FBLN2: variants seen among roughly 807,000 people sequenced by gnomAD.
FBLN2 encodes the protein fibulin 2.
In FBLN2, 81 loss-of-function variants were observed where a neutral mutation model predicts 123.7. The observed-to-expected ratio is 0.65, with a 90% CI of 0.55 to 0.79. The LOEUF is 0.79. FBLN2 is among the 30% of genes least tolerant of loss of function. The probability of loss-of-function intolerance (pLI) is 0.00; values close to 1 mark genes in which losing one functional copy is unlikely to be tolerated. For missense variants in FBLN2, 1,603 were observed against 1,681.3 expected, an observed-to-expected ratio of 0.95 and a Z score of 0.81; for synonymous variants, 699 against 701.4, an observed-to-expected ratio of 1.00 and a Z score of 0.05.
chr3:13,562,197 G>A (rs955330224), intron 1 of FBLN2, among the ~76,000 whole-genome samples: 1 of 152,156 alleles, frequency 6.6e-6, no homozygotes, highest in African/African-American at 2.4e-5. Context: ...ATACTGCTAA[G>A]GGGAGGTCTC....
intron 4 of FBLN2, 41 bp downstream of exon 4, chr3:13,609,683 G>T: frequency 6.9e-7 from 1 of 1,454,338 alleles, no homozygotes. Context: ...GTGGGGTGGG[G>T]CGGGGCGGGA....
chr3:13,578,594 G>A lies in FBLN2; in HGVS notation c.1306+6933G>A, dbSNP rs9856991. 8.3e-3 allele frequency among the ~76,000 whole-genome samples: 1,265 copies of A among 152,324 alleles called. 13 individuals carry two copies. The highest frequency in any genetic ancestry group is 0.028 in the African/African-American group (1,174 of 41,574). On this transcript the variant is annotated intron_variant, in intron 2 of 17. Transcript: ENST00000404922. ...CCACATTTCAAAAATCTGTTCATCT[G>A]TTGATGGACATTATTCTTCCAGCTT... is the stretch of plus-strand genomic sequence containing the variant.
At chr3:13,568,829 C>T (rs1703828519) in intron 1 of FBLN2, 1 of 985,550 alleles carries the variant, frequency 1.0e-6, no homozygotes, top group African/African-American at 1.7e-5. Flanking sequence ...ATCTGCCCCT[C>T]CACCCCTGAG....
intron 12 of FBLN2, 22 bp downstream of exon 12, chr3:13,629,070 C>T: frequency 1.2e-6 from 2 of 1,612,804 alleles, no homozygotes; most frequent in Non-Finnish European, 8.5e-7. Flanking sequence ...CGCCTCCGCC[C>T]TGCCAGCCAG....
In FBLN2 at chr3:13,613,339, C is replaced by T. The variant is rs759836862; in HGVS notation, c.1549-645C>T. ...ACAGAAAAGATTGAATAATTGTTGC[C>T]GTTATTGCAACCAAAATACTACTGT... On this transcript the variant is annotated intron_variant, in intron 4 of 17. Transcript: ENST00000404922. Among the ~76,000 whole-genome samples the T allele has an allele frequency of 3.0e-4, 46 of 152,178 alleles. No individual in the cohort carries two copies. The Middle Eastern group carries it at 0.01, about 34-fold the overall frequency.
At chr3:13,588,927 A>G (rs1050675934) in intron 2 of FBLN2, among the ~76,000 whole-genome samples, 2 of 152,206 alleles carry the variant, frequency 1.3e-5, no homozygotes, top group Admixed American at 6.5e-5. Context: ...AGATTCATCT[A>G]TAAGTAACAC....
At chr3:13,612,219 CTT>C (rs774262828) in intron 4 of FBLN2, among the ~76,000 whole-genome samples, 2 of 151,938 alleles carry the variant, frequency 1.3e-5, no homozygotes, top group African/African-American at 2.4e-5. Context: ...CCTTTTCTGT[CTT>C]TATGTTTGAC....
At chr3:13,636,305 G>A in intron 16 of FBLN2, 140 bp from the exon 17 acceptor site, 1 of 973,670 alleles carries the variant, frequency 1.0e-6, no homozygotes, top group Non-Finnish European at 1.5e-6. Flanking sequence ...GTGAGATGGG[G>A]CATGTGTGTG....
chr3:13,632,144 TTGCCACCGGATTC>T (rs1706279068), intron 16 of FBLN2, among the ~76,000 whole-genome samples: 1 of 152,204 alleles, frequency 6.6e-6, no homozygotes, highest in Non-Finnish European at 1.5e-5. Context: ...TCAGTGCCAT[TTGCCACCGGATTC>T]TGGGCCTGGT....
At chr3:13,608,967 A>G (rs186262386) in intron 3 of FBLN2, among the ~76,000 whole-genome samples, 15 of 152,358 alleles carry the variant, frequency 9.8e-5, no homozygotes, top group Non-Finnish European at 2.1e-4. Flanking sequence ...AGCATGCAGC[A>G]CTGGGACCCC....
At chr3:13,564,899 C>T (rs534052559) in intron 1 of FBLN2, among the ~76,000 whole-genome samples, 1 of 152,284 alleles carries the variant, frequency 6.6e-6, no homozygotes, top group South Asian at 2.1e-4. Context: ...AGGTTGGGGC[C>T]CAGCCCTATC....
chr3:13,637,091 C>T (rs574492723), intron 17 of FBLN2, among the ~76,000 whole-genome samples: 1 of 152,152 alleles, frequency 6.6e-6, no homozygotes, highest in Non-Finnish European at 1.5e-5. Context: ...GAAGTGCCAG[C>T]GGCAGCCCCT....
intron 2 of FBLN2, among the ~76,000 whole-genome samples, chr3:13,596,891 T>C (rs1198435449): frequency 6.6e-6 from 1 of 151,496 alleles, no homozygotes; most frequent in Non-Finnish European, 1.5e-5. Flanking sequence ...ATAAATTAGT[T>C]TTTTATTTAT....
At chr3:13,636,415 G>A (rs1575005893) in intron 16 of FBLN2, 30 bp from the exon 17 acceptor site, 2 of 1,611,200 alleles carry the variant, frequency 1.2e-6, no homozygotes, top group African/African-American at 1.3e-5. Context: ...CAGCTGTGGG[G>A]ACCCTGCCAT....
At chr3:13,586,998 A>G (rs761684408) in intron 2 of FBLN2, among the ~76,000 whole-genome samples, 1 of 151,570 alleles carries the variant, frequency 6.6e-6, no homozygotes, top group Non-Finnish European at 1.5e-5. Flanking sequence ...TACAAAAATT[A>G]GCCGGTCACA....
intron 2 of FBLN2, among the ~76,000 whole-genome samples, chr3:13,573,767 G>A (rs1704039907): frequency 2.0e-5 from 3 of 152,106 alleles, no homozygotes; most frequent in Admixed American, 6.5e-5. Flanking sequence ...GTCTGGCGTG[G>A]TGGCAGGCGC....
At chr3:13,592,472 C>G (rs1364969004) in intron 2 of FBLN2, among the ~76,000 whole-genome samples, 1 of 152,190 alleles carries the variant, frequency 6.6e-6, no homozygotes, top group Non-Finnish European at 1.5e-5. Flanking sequence ...ATTGTTTCAG[C>G]TGTTCTGGGT....
chr3:13,582,865 T>C (rs1385496800), intron 2 of FBLN2, among the ~76,000 whole-genome samples: 1 of 152,206 alleles, frequency 6.6e-6, no homozygotes, highest in Non-Finnish European at 1.5e-5. Flanking sequence ...TGTGTTCTTG[T>C]TTCTTCAAAC....
Position 13,621,964 on chromosome 3 carries a change from C to T in FBLN2, c.2296+49C>T, listed in dbSNP as rs746159709. On this transcript the variant is annotated intron_variant, in intron 9 of 17. Coordinates refer to ENST00000404922, the MANE Select transcript of FBLN2 (RefSeq NM_001004019.2). ...CCCGCCGTCACAGCTCTCCGCTCTG[C>T]TCCACGCCAAGCCCACCACACTGTG... 1.7e-5 allele frequency: 27 copies of T among 1,590,112 alleles called. No homozygotes were observed. In the East Asian group the frequency reaches 5.6e-4, roughly 33 times the overall value.
Sources: allele counts gnomAD v4.1 joint callset (sites outside exome capture counted in the v4.1 genomes callset), GRCh38; gene constraint gnomAD v4.1.1; transcripts MANE v1.5; gene names NCBI Gene and HGNC (gene_info 2026-07-23, HGNC 2026-07-21).